The following DST variants were observed in gnomAD, a reference collection of about 807,000 sequenced individuals.
The protein encoded by DST is bullous pemphigoid antigen.
A neutral mutation model predicts 875.2 loss-of-function variants in DST; 253 were observed. The ratio of observed to expected loss-of-function variants is 0.29; its 90% confidence interval spans 0.26 to 0.32. The LOEUF (loss-of-function observed/expected upper bound fraction) is 0.32. DST is among the 10% of genes least tolerant of loss of function. The probability of loss-of-function intolerance (pLI) is 1.00; values close to 1 mark genes in which losing one functional copy is unlikely to be tolerated. For synonymous variants in DST, 3,124 were observed against 3,197.1 expected (o/e 0.98, Z 0.77); for missense variants, 8,287 against 9,111.6 (o/e 0.91, Z 3.68).
At chr6:56,917,946 T>G (rs1032653720) in intron 2 of DST, among the ~76,000 whole-genome samples, 1 of 152,190 alleles carries the variant, frequency 6.6e-6, no homozygotes, top group East Asian at 1.9e-4. Flanking sequence ...TATAAATAAG[T>G]GTGAATGTCC....
At chr6:56,646,606 G>A (rs2098944212) in intron 13 of DST, among the ~76,000 whole-genome samples, 1 of 151,354 alleles carries the variant, frequency 6.6e-6, no homozygotes, top group Admixed American at 6.6e-5. Context: ...TCTATTGCAT[G>A]GTTCTATCCT....
chr6:56,753,215 C>T (rs1043347268), intron 4 of DST, among the ~76,000 whole-genome samples: 1 of 152,102 alleles, frequency 6.6e-6, no homozygotes, highest in South Asian at 2.1e-4. Context: ...GCAATGCATA[C>T]AGAAGAGTCA....
At chr6:56,529,072 T>C (rs1201027678) in intron 66 of DST, 147 bp from the exon 67 acceptor site, 17 of 659,582 alleles carry the variant, frequency 2.6e-5, no homozygotes, top group South Asian at 5.6e-5. Flanking sequence ...ATTGTTCCCA[T>C]GTTTAGACCT....
At chr6:56,650,869 C>T (rs1396111345) in intron 12 of DST, 57 bp downstream of exon 12, 3 of 1,024,518 alleles carry the variant, frequency 2.9e-6, no homozygotes, top group Non-Finnish European at 2.9e-6. Flanking sequence ...TCAATAAATG[C>T]AGTCAATTGG....
rs566408966 is a variant in DST, at chr6:56,465,239, A to G, written c.22688-483T>C. On this transcript the variant is annotated intron_variant, in intron 99 of 103. Transcript: ENST00000680361. Reference sequence around the variant, plus strand: ...ACCATCACCAAAACCAAGAGGCCCTACAGGAGGAAACCTGGGATCCCACTT... The same window carrying G: ...ACCATCACCAAAACCAAGAGGCCCTGCAGGAGGAAACCTGGGATCCCACTT... 3.9e-5 allele frequency among the ~76,000 whole-genome samples: 6 copies of G among 152,314 alleles called. No individual in the cohort carries two copies. In the South Asian group the frequency reaches 6.2e-4, roughly 16 times the overall value.
chr6:56,609,471 G>A (rs1006099179), intron 39 of DST, 127 bp from the exon 40 acceptor site: 13 of 684,928 alleles, frequency 1.9e-5, no homozygotes, highest in Admixed American at 5.2e-5. Context: ...TTACCAAGGC[G>A]CAGCAATGCT....
chr6:56,578,348 TG>T (rs1562923434), intron 50 of DST, among the ~76,000 whole-genome samples: 1 of 152,172 alleles, frequency 6.6e-6, no homozygotes, highest in East Asian at 1.9e-4. Flanking sequence ...GCACTCAGCC[TG>T]GGCAATAAAG....
intron 4 of DST, among the ~76,000 whole-genome samples, chr6:56,778,012 T>C (rs1179311464): frequency 1.3e-5 from 2 of 152,008 alleles, no homozygotes; most frequent in Non-Finnish European, 2.9e-5. Flanking sequence ...CTGTAAGGAG[T>C]ATTTTTAAAT....
intron 4 of DST, among the ~76,000 whole-genome samples, chr6:56,813,335 G>A (rs1056737060): frequency 6.6e-6 from 1 of 151,024 alleles, no homozygotes; most frequent in Non-Finnish European, 1.5e-5. Flanking sequence ...GTACACATAT[G>A]TAACTAACCT....
At chr6:56,721,574 T>C (rs2099416852) in intron 5 of DST, among the ~76,000 whole-genome samples, 1 of 152,232 alleles carries the variant, frequency 6.6e-6, no homozygotes, top group Non-Finnish European at 1.5e-5. Flanking sequence ...GTCCCTCCGT[T>C]TGGGGTCCCT....
At chr6:56,745,893 A>G (rs2099570893) in intron 4 of DST, among the ~76,000 whole-genome samples, 1 of 152,234 alleles carries the variant, frequency 6.6e-6, no homozygotes, top group Non-Finnish European at 1.5e-5. Flanking sequence ...TATTGGCACA[A>G]ATTTGTAAGA....
intron 49 of DST, among the ~76,000 whole-genome samples, chr6:56,579,758 G>A (rs1305078841): frequency 2.0e-5 from 3 of 152,154 alleles, no homozygotes; most frequent in Admixed American, 2.0e-4. Flanking sequence ...AATAGAAATA[G>A]GCCTGGAAAG....
chr6:56,619,495 A>AT (rs754452679), intron 36 of DST: 1 of 1,612,090 alleles, frequency 6.2e-7, no homozygotes, highest in Admixed American at 1.7e-5. Context: ...ATTCTTTCTC[A>AT]TCTCGAAAAG....
rs2094914534 is a variant in DST, at chr6:56,471,896, C to T, written c.22158+163G>A. On this transcript the variant is annotated intron_variant, in intron 94 of 103. Coordinates refer to ENST00000680361, the MANE Select transcript of DST (RefSeq NM_001374736.1). ...TATATCAATATTTCACAAAATCACA[C>T]ATACTTGTGGTATTTATTTTGGAAA... 5.6e-6 allele frequency: 4 copies of T among 717,014 alleles called. No homozygotes were observed. The East Asian group carries it at 1.1e-4, about 19-fold the overall frequency. The allele number at this position is 717,014 out of a possible 1,614,324, so 44.4% of individuals were successfully genotyped here.
chr6:56,612,264 C>G (rs929432923), intron 37 of DST, among the ~76,000 whole-genome samples: 1 of 152,180 alleles, frequency 6.6e-6, no homozygotes, highest in East Asian at 1.9e-4. Context: ...CCAAGCTACT[C>G]GGGAGGCTGA....
intron 5 of DST, among the ~76,000 whole-genome samples, chr6:56,715,419 T>C (rs2099391330): frequency 1.3e-5 from 2 of 152,198 alleles, no homozygotes; most frequent in African/African-American, 4.8e-5. Flanking sequence ...CTCCAAAGTA[T>C]GGTGCTTTGG....
chr6:56,632,960 A>G lies in DST; in HGVS notation c.3699T>C (p.Asp1233=), dbSNP rs751682343. The G allele has an allele frequency of 2.9e-5, 47 of 1,613,822 alleles. No individual in the cohort carries two copies. Among genetic ancestry groups the G allele is most frequent in the Middle Eastern group, 1.6e-4 (1 of 6,080 alleles). The change falls in exon 28 of 104, where the codon GAT becomes GAC. Residue 1233 remains aspartate (D), a synonymous_variant. Transcript: ENST00000680361. ...LQSRFEDFLE[D]SQESQVFSGS... Reference sequence around the variant, plus strand: ...CTGAAAAGACTTGGGATTCCTGGCTATCTTCCAGAAAATCTTCAAAACGAG... The same window carrying G: ...CTGAAAAGACTTGGGATTCCTGGCTGTCTTCCAGAAAATCTTCAAAACGAG...
chr6:56,725,827 T>C (rs2099453441), intron 5 of DST, among the ~76,000 whole-genome samples: 1 of 152,210 alleles, frequency 6.6e-6, no homozygotes, highest in Non-Finnish European at 1.5e-5. Flanking sequence ...CCATTCCATA[T>C]GTTAAGAACT....
intron 4 of DST, among the ~76,000 whole-genome samples, chr6:56,770,842 A>C (rs751670450): frequency 6.6e-6 from 1 of 152,020 alleles, no homozygotes; most frequent in Non-Finnish European, 1.5e-5. Flanking sequence ...CTCTACTAAA[A>C]ATCCAAAATT....
Sources: allele counts gnomAD v4.1 joint callset (sites outside exome capture counted in the v4.1 genomes callset), GRCh38; gene constraint gnomAD v4.1.1; transcripts MANE v1.5; gene names NCBI Gene and HGNC (gene_info 2026-07-23, HGNC 2026-07-21).